Variants in ATP5ME observed in about 807,000 individuals in gnomAD.
The protein encoded by ATP5ME is ATP synthase membrane subunit e, also known as ATP synthase F(0) complex subunit e, mitochondrial.
In ATP5ME, 10 loss-of-function variants were observed where a neutral mutation model predicts 11.6. The ratio of observed to expected loss-of-function variants is 0.86; its 90% CI spans 0.53 to 1.46. The LOEUF is 1.46. ATP5ME is among the 40% of genes most tolerant of loss of function. The probability of loss-of-function intolerance (pLI) is 0.00; values close to 1 mark genes in which losing one functional copy is unlikely to be tolerated. For synonymous variants in ATP5ME, 45 were observed against 33.5 expected (o/e 1.34, Z -1.19); for missense variants, 115 against 85.4 (o/e 1.35, Z -1.37).
chr4:673,776 G>A (rs1738643087), intron 2 of ATP5ME, 136 bp downstream of exon 2: 2 of 1,256,654 alleles, frequency 1.6e-6, no homozygotes, highest in Non-Finnish European at 1.1e-6. Context: ...TCGGGGTCAC[G>A]CTCGGTGGAG....
At chr4:674,037 G>A in intron 1 of ATP5ME, 71 bp from the exon 2 acceptor site, 2 of 1,517,896 alleles carry the variant, frequency 1.3e-6, no homozygotes, top group East Asian at 2.5e-5. Flanking sequence ...AGGAGGGGGG[G>A]CGGGGTCGCT....
chr4:674,140 C>G (rs1159443217), intron 1 of ATP5ME, 72 bp downstream of exon 1: 9 of 699,436 alleles, frequency 1.3e-5, no homozygotes, highest in Non-Finnish European at 1.4e-5. Flanking sequence ...TCGCAGCCCG[C>G]GGGGTCGGAG....
intron 2 of ATP5ME, chr4:673,637 G>A: frequency 2.6e-6 from 2 of 777,024 alleles, no homozygotes; most frequent in East Asian, 2.7e-5. Flanking sequence ...CTGCGAACAG[G>A]GACTGCCTCC....
At chr4:673,852 A>C in intron 2 of ATP5ME, 60 bp downstream of exon 2, 2 of 1,535,938 alleles carry the variant, frequency 1.3e-6, no homozygotes, top group Non-Finnish European at 1.8e-6. Context: ...TCCAAATAGC[A>C]CAGGAGCTCC....
chr4:673,881 C>T (rs755209431), intron 2 of ATP5ME, 31 bp downstream of exon 2: 13 of 1,544,852 alleles, frequency 8.4e-6, no homozygotes, highest in East Asian at 2.4e-5. Context: ...GCCGAGCAGA[C>T]CCCGCCCCGG....
In ATP5ME at chr4:672,450, G is replaced by T; in HGVS notation, c.*50C>A. The stretch of plus-strand genomic sequence containing the variant: ...AGGAGCCGGAGTATCACACAACACA[G>T]GAAGCTTTATTCATCCGCTGCTGGT... On this transcript the variant is annotated 3_prime_UTR_variant, in exon 4 of 4. Coordinates refer to ENST00000304312, the MANE Select transcript of ATP5ME (RefSeq NM_007100.4). 6.2e-7 allele frequency: 1 copy of T among 1,612,286 alleles called. No homozygotes were observed. The highest frequency in any genetic ancestry group is 8.5e-7 in the Non-Finnish European group (1 of 1,179,012).
Position 673,929 on chromosome 4 carries a change from T to C in ATP5ME, c.74A>G (p.Tyr25Cys), listed in dbSNP as rs1169405579. 1 of 1,545,978 alleles carries C rather than the reference T, an allele frequency of 6.5e-7. No homozygotes were observed. The highest frequency in any genetic ancestry group is 8.7e-7 in the Non-Finnish European group (1 of 1,146,804). ...RYSALFLGVA[Y>C]GATRYNYLKP... is the part of the protein sequence containing the mutation. ...TCACTCACTGTAGCGCGTGGCTCCG[T>C]AGGCCACACCGAGGAACAGGGCGGA... The change falls in exon 2 of 4, where the codon TAC becomes TGC. Residue 25 changes from tyrosine (Y) to cysteine (C), a missense_variant. Transcript: ENST00000304312.
At chr4:673,516 C>T (rs958103128) in intron 2 of ATP5ME, 115 bp from the exon 3 acceptor site, 3 of 1,544,026 alleles carry the variant, frequency 1.9e-6, no homozygotes, top group East Asian at 2.3e-5. Context: ...CCTGCTGTTC[C>T]CGCTCTTTAT....
Position 672,476 on chromosome 4 carries a change from C to T in ATP5ME, c.*24G>A, listed in dbSNP as rs200521867. The T allele has an allele frequency of 7.6e-5, 123 of 1,613,940 alleles. 2 individuals are homozygous for T. The East Asian group carries it at 2.7e-3, about 35-fold the overall frequency. ...GAAGCTTTATTCATCCGCTGCTGGTCCAAAGAGTGGGTCGCAGGGTCACTC... is the reference window on the plus strand; with the variant it reads ...GAAGCTTTATTCATCCGCTGCTGGTTCAAAGAGTGGGTCGCAGGGTCACTC... On this transcript the variant is annotated 3_prime_UTR_variant, in exon 4 of 4. Transcript: ENST00000304312.
At chr4:674,174 C>T (rs757280141) in intron 1 of ATP5ME, 38 bp downstream of exon 1, 5 of 1,604,914 alleles carry the variant, frequency 3.1e-6, no homozygotes, top group Non-Finnish European at 1.7e-6. Context: ...CACGGGGGGG[C>T]CCAGAGCACT....
In ATP5ME at chr4:672,503, C is replaced by A; in HGVS notation, c.207G>T (p.Lys69Asn). 1 of 1,613,850 alleles carries A rather than the reference C, an allele frequency of 6.2e-7. No homozygotes were observed. Among genetic ancestry groups the A allele is most frequent in the Non-Finnish European group, 8.5e-7 (1 of 1,179,906 alleles). Residue 69 changes from lysine (K) to asparagine (N), a missense_variant, in exon 4 of 4, where the codon AAG becomes AAT. By Grantham distance (94) the Lys-to-Asn change is moderately conservative (BLOSUM62 0). Transcript: ENST00000304312. ...AAAGAGTGGGTCGCAGGGTCACTCA[C>A]TTTAATATGCTGTCATCTTGGGCCG... is the stretch of plus-strand genomic sequence containing the variant. ...RELAEDDSIL[K>N]
rs777730658 is a variant in ATP5ME at position 673,396 on chromosome 4, G to A, written c.97C>T (p.Leu33=). The part of the protein sequence containing the change: ...VAYGATRYNY[L]KPRAEEERRI... ...CTCTCCTCTTCTGCCCGAGGTTTTA[G>A]GTAATCTGTTTGGCGGAATGCAGGA... The change falls in exon 3 of 4, where the codon CTA becomes TTA. Residue 33 remains leucine, a synonymous_variant. Transcript: ENST00000304312. The A allele has an allele frequency of 7.3e-5, 118 of 1,614,008 alleles. No homozygotes were observed. The highest frequency in any genetic ancestry group is 9.3e-5 in the Non-Finnish European group (110 of 1,180,022).
rs1421919386 is a variant in ATP5ME, at chr4:673,930, A to G, written c.73T>C (p.Tyr25His). 6.5e-6 allele frequency: 10 copies of G among 1,546,182 alleles called. No homozygotes were observed. The Admixed American group carries it at 1.8e-4, about 27-fold the overall frequency. The change falls in exon 2 of 4, where the codon TAC (tyrosine) becomes CAC (histidine). Residue 25 changes from tyrosine (Y) to histidine (H), a missense_variant. By Grantham distance (83) the Tyr-to-His change is moderately conservative. Coordinates refer to ENST00000304312, the MANE Select transcript of ATP5ME (RefSeq NM_007100.4). ...CACTCACTGTAGCGCGTGGCTCCGTAGGCCACACCGAGGAACAGGGCGGAG... is the reference window on the plus strand; with the variant it reads ...CACTCACTGTAGCGCGTGGCTCCGTGGGCCACACCGAGGAACAGGGCGGAG... ...RYSALFLGVA[Y>H]GATRYNYLKP...
intron 1 of ATP5ME, 121 bp from the exon 2 acceptor site, chr4:674,087 G>C: frequency 9.6e-6 from 14 of 1,463,802 alleles, no homozygotes; most frequent in Non-Finnish European, 1.3e-5. Context: ...CGGTCGCCGG[G>C]CGAGGGTCAC....
At position 673,233 on chromosome 4, in the gene ATP5ME, C is replaced by T. The variant is rs540927818; in HGVS notation, c.190+70G>A. 3,354 of 1,610,374 alleles carry T rather than the reference C, an allele frequency of 2.1e-3. 6 individuals carry two copies. The highest frequency in any genetic ancestry group is 2.5e-3 in the Middle Eastern group (15 of 6,052). The stretch of plus-strand genomic sequence containing the variant: ...CATCTACTTAGCTCTGCTTAAATGT[C>T]CTCCTCCATTTTCCTTATCCCTGCA... On this transcript the variant is annotated intron_variant, in intron 3 of 3. Transcript: ENST00000304312.
chr4:673,913 G>T lies in ATP5ME; in HGVS notation c.90C>A (p.Tyr30Ter). 1 of 1,546,232 alleles carries T rather than the reference G, an allele frequency of 6.5e-7. No individual in the cohort carries two copies. The change falls in exon 2 of 4, where the codon TAC (tyrosine) becomes TAA (stop). Residue 30 changes from tyrosine (Y) to a stop codon, truncating the protein, a stop_gained and splice_region_variant. Coordinates refer to ENST00000304312, the MANE Select transcript of ATP5ME (RefSeq NM_007100.4). LOFTEE classifies it high-confidence loss of function. ...FLGVAYGATR[Y>*]NYLKPRAEEE... ...CCGGCCCCGCCCGCGGTCACTCACTGTAGCGCGTGGCTCCGTAGGCCACAC... is the reference window on the plus strand; with the variant it reads ...CCGGCCCCGCCCGCGGTCACTCACTTTAGCGCGTGGCTCCGTAGGCCACAC...
At chr4:674,186 G>A (rs757974205) in intron 1 of ATP5ME, 26 bp downstream of exon 1, 1 of 1,609,674 alleles carries the variant, frequency 6.2e-7, no homozygotes, top group Non-Finnish European at 8.5e-7. Context: ...CAGAGCACTG[G>A]GCGGCGGCTG....
rs770620537 is a variant in ATP5ME at position 673,401 on chromosome 4, T to A, written c.92A>T (p.Asn31Ile). 3.1e-6 allele frequency: 5 copies of A among 1,614,144 alleles called. No homozygotes were observed. The highest frequency in any genetic ancestry group is 3.4e-6 in the Non-Finnish European group (4 of 1,180,004). Residue 31 changes from asparagine to isoleucine, a missense_variant and splice_region_variant, in exon 3 of 4, where the codon AAT (asparagine) becomes ATT (isoleucine). Coordinates refer to ENST00000304312, the MANE Select transcript of ATP5ME (RefSeq NM_007100.4). ...CTCTTCTGCCCGAGGTTTTAGGTAA[T>A]CTGTTTGGCGGAATGCAGGAGAATA... ...LGVAYGATRY[N>I]YLKPRAEEER...
intron 3 of ATP5ME, among the ~76,000 whole-genome samples, chr4:672,770 C>T (rs1317665666): frequency 6.6e-6 from 1 of 151,914 alleles, no homozygotes; most frequent in Admixed American, 6.6e-5. Flanking sequence ...TTTTTTTAGA[C>T]AGAATTTCAC....
Sources: gnomAD v4.1 joint callset for allele counts (sites outside exome capture counted in the v4.1 genomes callset) on GRCh38, gnomAD v4.1.1 for gene constraint, MANE v1.5 for transcripts, NCBI Gene and HGNC (gene_info 2026-07-23, HGNC 2026-07-21) for gene names.